CCDC146: variants seen among roughly 807,000 people sequenced by gnomAD.
The protein encoded by CCDC146 is coiled-coil domain containing 146.
CCDC146 carries 92 observed loss-of-function variants against 119.3 expected under a neutral mutation model. The ratio of observed to expected loss-of-function variants is 0.77; its 90% confidence interval spans 0.65 to 0.92. The LOEUF (loss-of-function observed/expected upper bound fraction) is 0.92. CCDC146 is among the 40% of genes least tolerant of loss of function. The pLI is 0.00. For missense variants in CCDC146, 1,000 were observed against 1,103.0 expected (o/e 0.91, Z 1.32); for synonymous variants, 372 against 371.8 (o/e 1.00, Z -0.01).
rs770660764 is a variant in CCDC146 at position 77,237,047 on chromosome 7, A to G, written c.239+18A>G. Reference sequence around the variant, plus strand: ...GTGATGAGGTATGCAATTTACCAATATGGAGACATGATTAATCACCTTTAA... The same window carrying G: ...GTGATGAGGTATGCAATTTACCAATGTGGAGACATGATTAATCACCTTTAA... On this transcript the variant is annotated intron_variant, in intron 3 of 18. Transcript: ENST00000285871. The G allele has an allele frequency of 1.3e-6, 2 of 1,594,568 alleles. No individual in the cohort carries two copies. The highest frequency in any genetic ancestry group is 2.2e-5 in the East Asian group (1 of 44,760).
intron 1 of CCDC146, among the ~76,000 whole-genome samples, chr7:77,163,034 G>A (rs1791284969): frequency 6.6e-6 from 1 of 152,228 alleles, no homozygotes; most frequent in African/African-American, 2.4e-5. Flanking sequence ...TGAAGAATTT[G>A]TACAGATTCA....
chr7:77,235,217 C>T (rs529661025), intron 2 of CCDC146, among the ~76,000 whole-genome samples: 1 of 152,120 alleles, frequency 6.6e-6, no homozygotes, highest in Non-Finnish European at 1.5e-5. Context: ...TATATACTAG[C>T]TGGGGAAGTA....
intron 2 of CCDC146, among the ~76,000 whole-genome samples, chr7:77,202,382 G>T (rs758593962): frequency 6.6e-6 from 1 of 152,176 alleles, no homozygotes; most frequent in East Asian, 1.9e-4. Context: ...TGGGCTTTTG[G>T]TTCATCTGTT....
intron 9 of CCDC146, among the ~76,000 whole-genome samples, chr7:77,271,806 T>A (rs1403695885): frequency 6.6e-6 from 1 of 152,024 alleles, no homozygotes; most frequent in Non-Finnish European, 1.5e-5. Flanking sequence ...AAGTATTGTT[T>A]GTGTTTCAAA....
chr7:77,274,413 A>G, intron 10 of CCDC146, 69 bp from the exon 11 acceptor site: 3 of 1,060,388 alleles, frequency 2.8e-6, no homozygotes, highest in Non-Finnish European at 4.0e-6. Context: ...AAGGTAGTCT[A>G]AGATACTAGC....
chr7:77,234,167 A>G (rs540389614), intron 2 of CCDC146, among the ~76,000 whole-genome samples: 1 of 152,202 alleles, frequency 6.6e-6, no homozygotes, highest in East Asian at 1.9e-4. Flanking sequence ...GTACCCATAT[A>G]CATACAAACA....
rs17151219 is a variant in CCDC146, at chr7:77,293,173, C to A, written c.2637C>A (p.His879Gln). ...WLKVLRDEEM[H>Q]ALAIAEKSQE... The stretch of plus-strand genomic sequence containing the variant: ...AAGTCCTTCGAGATGAAGAAATGCA[C>A]GCCTTGGCCATCGCTGAAAAGTCTC... Residue 879 changes from histidine to glutamine, a missense_variant, in exon 18 of 19, where the codon CAC becomes CAA. Around this residue, in one of 2 missense-constraint regions of CCDC146, gnomAD observed 985 missense variants for 1,045.3 expected, o/e 0.94. Coordinates refer to ENST00000285871, the MANE Select transcript of CCDC146 (RefSeq NM_020879.3). 2.5e-6 allele frequency: 4 copies of A among 1,613,782 alleles called. No individual in the cohort carries two copies. The Admixed American group carries it at 6.7e-5, about 27-fold the overall frequency.
At chr7:77,255,055 T>C (rs991646825) in intron 5 of CCDC146, among the ~76,000 whole-genome samples, 5 of 152,328 alleles carry the variant, frequency 3.3e-5, no homozygotes, top group Admixed American at 2.6e-4. Flanking sequence ...CTGGGTAATC[T>C]AGGATAGCTC....
At chr7:77,140,779 A>G (rs1477001676) in intron 1 of CCDC146, among the ~76,000 whole-genome samples, 1 of 152,192 alleles carries the variant, frequency 6.6e-6, no homozygotes, top group African/African-American at 2.4e-5. Flanking sequence ...CTAATTCAAT[A>G]CAAGATGTCA....
At chr7:77,143,601 T>G (rs1032896027) in intron 1 of CCDC146, among the ~76,000 whole-genome samples, 6 of 152,160 alleles carry the variant, frequency 3.9e-5, no homozygotes, top group African/African-American at 1.4e-4. Context: ...GTATAAGGTG[T>G]AAGGAAGGGA....
chr7:77,222,902 A>G (rs1792431881), intron 2 of CCDC146, among the ~76,000 whole-genome samples: 1 of 151,718 alleles, frequency 6.6e-6, no homozygotes, highest in African/African-American at 2.4e-5. Context: ...TACCCAGGCC[A>G]CTCCCTGCCT....
At chr7:77,287,410 TA>T in intron 16 of CCDC146, 29 bp from the exon 17 acceptor site, 2 of 1,609,956 alleles carry the variant, frequency 1.2e-6, no homozygotes, top group Non-Finnish European at 1.7e-6. Flanking sequence ...ACTTTTTTTT[TA>T]TTCCTCTTGA....
chr7:77,276,005 G>C (rs1242962241), intron 11 of CCDC146, among the ~76,000 whole-genome samples: 1 of 151,888 alleles, frequency 6.6e-6, no homozygotes, highest in Non-Finnish European at 1.5e-5. Context: ...TCAGGAGTTT[G>C]AGACCAGCCT....
chr7:77,246,150 C>T (rs544425313), intron 4 of CCDC146, among the ~76,000 whole-genome samples: 87 of 152,320 alleles, frequency 5.7e-4, no homozygotes, highest in Non-Finnish European at 5.6e-4. Flanking sequence ...GGTCAGTCAC[C>T]AGAGTCTCCT....
intron 2 of CCDC146, among the ~76,000 whole-genome samples, chr7:77,188,871 C>A (rs1791713162): frequency 6.6e-6 from 1 of 152,168 alleles, no homozygotes; most frequent in Admixed American, 6.5e-5. Flanking sequence ...GTGTCACTGG[C>A]ACCTCTTGAA....
intron 11 of CCDC146, among the ~76,000 whole-genome samples, chr7:77,275,315 G>A (rs753747114): frequency 2.0e-5 from 3 of 152,158 alleles, no homozygotes; most frequent in African/African-American, 4.8e-5. Context: ...AGTTCCCTAT[G>A]TATACCAAGG....
At chr7:77,160,845 A>G (rs1348073012) in intron 1 of CCDC146, among the ~76,000 whole-genome samples, 1 of 152,242 alleles carries the variant, frequency 6.6e-6, no homozygotes, top group Non-Finnish European at 1.5e-5. Flanking sequence ...CAGAGTGAAC[A>G]GGAAACCTAC....
chr7:77,217,629 A>G (rs1485705539), intron 2 of CCDC146, among the ~76,000 whole-genome samples: 1 of 151,980 alleles, frequency 6.6e-6, no homozygotes, highest in Non-Finnish European at 1.5e-5. Context: ...GTCACTTAAG[A>G]AGGATATGTT....
intron 16 of CCDC146, chr7:77,287,154 A>C: frequency 1.6e-6 from 1 of 615,886 alleles, no homozygotes; most frequent in East Asian, 2.8e-5. Flanking sequence ...CATTTCTCTC[A>C]TGACCCAAAG....
Sources: allele counts gnomAD v4.1 joint callset (sites outside exome capture counted in the v4.1 genomes callset), GRCh38; gene constraint gnomAD v4.1.1; regional missense constraint gnomAD v4.1.1; transcripts MANE v1.5; gene names NCBI Gene and HGNC (gene_info 2026-07-23, HGNC 2026-07-21).